Variants in GRIP1 observed in about 807,000 individuals in gnomAD.
GRIP1 encodes glutamate receptor-interacting protein 1.
In GRIP1, 45 loss-of-function variants were observed where a neutral mutation model predicts 129.9. The observed-to-expected ratio is 0.35, with a 90% CI of 0.27 to 0.44. The LOEUF (loss-of-function observed/expected upper bound fraction) is 0.44, where lower values mean the gene tolerates loss of function less well. Ranked by LOEUF, GRIP1 falls within the 20% of genes least tolerant of loss-of-function variation. The pLI is 1.00. For synonymous variants in GRIP1, 530 were observed against 520.8 expected (o/e 1.02, Z -0.24); for missense variants, 1,196 against 1,396.8 (o/e 0.86, Z 2.29).
intron 7 of GRIP1, among the ~76,000 whole-genome samples, chr12:66,481,257 A>T (rs982276592): frequency 2.8e-5 from 4 of 142,934 alleles, no homozygotes; most frequent in African/African-American, 1.0e-4. Context: ...CACAAGAAAA[A>T]AAAAGCAACC....
intron 1 of GRIP1, among the ~76,000 whole-genome samples, chr12:66,909,148 C>T (rs938468524): frequency 7.2e-5 from 11 of 152,150 alleles, no homozygotes; most frequent in African/African-American, 2.7e-4. Context: ...TTCTCTCTAT[C>T]CTTGTTATCA....
intron 19 of GRIP1, among the ~76,000 whole-genome samples, chr12:66,387,710 A>C (rs1483491861): frequency 6.6e-6 from 1 of 152,212 alleles, no homozygotes; most frequent in East Asian, 1.9e-4. Flanking sequence ...TCAAAGCAGA[A>C]ATATAAGAAC....
At chr12:66,560,357 G>A (rs746999724) in intron 2 of GRIP1, among the ~76,000 whole-genome samples, 2 of 151,984 alleles carry the variant, frequency 1.3e-5, no homozygotes, top group Admixed American at 6.6e-5. Flanking sequence ...CACAGCAAAG[G>A]AAACAATCAA....
At chr12:66,383,818 C>A (rs1285379628) in intron 19 of GRIP1, among the ~76,000 whole-genome samples, 1 of 152,196 alleles carries the variant, frequency 6.6e-6, no homozygotes, top group Non-Finnish European at 1.5e-5. Flanking sequence ...TTCTTAGCTT[C>A]TCTCAAAGCT....
At chr12:66,503,642 C>G (rs1027102679) in intron 7 of GRIP1, among the ~76,000 whole-genome samples, 1 of 152,154 alleles carries the variant, frequency 6.6e-6, no homozygotes, top group Non-Finnish European at 1.5e-5. Flanking sequence ...CAGACCCATA[C>G]GGATTCGCCA....
chr12:66,634,940 T>C (rs1029590055), intron 1 of GRIP1, among the ~76,000 whole-genome samples: 4 of 152,244 alleles, frequency 2.6e-5, no homozygotes, highest in African/African-American at 9.6e-5. Context: ...TCTTTCTTTA[T>C]AGCATCTAGA....
At chr12:66,892,641 G>T (rs933003521) in intron 1 of GRIP1, among the ~76,000 whole-genome samples, 5 of 151,816 alleles carry the variant, frequency 3.3e-5, no homozygotes, top group Non-Finnish European at 7.4e-5. Context: ...CACACATATG[G>T]ATTTGTGCAA....
At chr12:67,040,674 G>T (rs2043163756) in intron 1 of GRIP1, among the ~76,000 whole-genome samples, 1 of 152,158 alleles carries the variant, frequency 6.6e-6, no homozygotes, top group South Asian at 2.1e-4. Context: ...CTCAGCTGGG[G>T]AATGGAGACA....
intron 1 of GRIP1, among the ~76,000 whole-genome samples, chr12:67,010,130 G>A (rs998343149): frequency 2.6e-5 from 4 of 152,052 alleles, no homozygotes; most frequent in Non-Finnish European, 5.9e-5. Flanking sequence ...TTTAATCAGT[G>A]ATTCAGATGA....
chr12:66,965,208 A>G (rs993882277), intron 1 of GRIP1, among the ~76,000 whole-genome samples: 6 of 152,108 alleles, frequency 3.9e-5, no homozygotes, highest in Non-Finnish European at 8.8e-5. Context: ...TATTTTGAAG[A>G]AAATGCAAGA....
chr12:66,421,673 T>TC (rs2057807356), intron 14 of GRIP1, among the ~76,000 whole-genome samples: 1 of 151,776 alleles, frequency 6.6e-6, no homozygotes, highest in African/African-American at 2.4e-5. Flanking sequence ...CTTTTTTTTT[T>TC]TTTTAGTAAA....
At chr12:66,404,780 C>T (rs908681816) in intron 16 of GRIP1, among the ~76,000 whole-genome samples, 1 of 152,076 alleles carries the variant, frequency 6.6e-6, no homozygotes, top group African/African-American at 2.4e-5. Flanking sequence ...ACCTGTAATC[C>T]CAGCACTTTG....
At chr12:66,365,303 G>A (rs770376648) in intron 23 of GRIP1, among the ~76,000 whole-genome samples, 22 of 152,038 alleles carry the variant, frequency 1.4e-4, no homozygotes, top group Non-Finnish European at 2.5e-4. Context: ...CGGGCATGGT[G>A]GTGTGTACCT....
chr12:67,033,272 T>TAC (rs2135785232), intron 1 of GRIP1, among the ~76,000 whole-genome samples: 1 of 27,294 alleles, frequency 3.7e-5, no homozygotes, highest in Admixed American at 3.6e-4. Flanking sequence ...AGACTACATG[T>TAC]ATATATATAT....
intron 1 of GRIP1, among the ~76,000 whole-genome samples, chr12:67,009,550 T>C (rs2042675273): frequency 6.6e-6 from 1 of 152,208 alleles, no homozygotes. Flanking sequence ...TAAAGAAGTA[T>C]TAACACCTGC....
Position 66,705,518 on chromosome 12 carries a change from C to A in GRIP1, c.-419-75182G>T, listed in dbSNP as rs535809616. 1.8e-4 allele frequency among the ~76,000 whole-genome samples: 28 copies of A among 152,268 alleles called. No individual in the cohort carries two copies. The South Asian group carries it at 5.6e-3, about 30-fold the overall frequency. ...TAGATTCAATGCTATTCCCATCAAACTACCACTGACATTCTTCACAGAATT... is the reference window on the plus strand; with the variant it reads ...TAGATTCAATGCTATTCCCATCAAAATACCACTGACATTCTTCACAGAATT... On this transcript the variant is annotated intron_variant, in intron 1 of 4. Transcript: ENST00000538373.
intron 1 of GRIP1, among the ~76,000 whole-genome samples, chr12:66,744,782 C>T (rs1010955044): frequency 5.3e-5 from 8 of 152,168 alleles, no homozygotes; most frequent in Non-Finnish European, 1.0e-4. Context: ...TATTTTCCTT[C>T]ATCCTTTGAG....
intron 1 of GRIP1, among the ~76,000 whole-genome samples, chr12:66,993,324 A>G (rs1395992150): frequency 6.6e-6 from 1 of 152,056 alleles, no homozygotes; most frequent in African/African-American, 2.4e-5. Context: ...TAAACCTGCA[A>G]CAATCAGAAG....
intron 14 of GRIP1, among the ~76,000 whole-genome samples, chr12:66,425,991 G>C (rs573182848): frequency 6.6e-6 from 1 of 151,998 alleles, no homozygotes; most frequent in East Asian, 1.9e-4. Flanking sequence ...AATAAAAAAA[G>C]AAAAGCCTGA....
Sources: gnomAD v4.1 joint callset for allele counts (sites outside exome capture counted in the v4.1 genomes callset) on GRCh38, gnomAD v4.1.1 for gene constraint, MANE v1.5 for transcripts, NCBI Gene and HGNC (gene_info 2026-07-23, HGNC 2026-07-21) for gene names.